ACAP2: variants seen among roughly 807,000 people sequenced by gnomAD.
ACAP2 encodes the protein arf-GAP with coiled-coil, ANK repeat and PH domain-containing protein 2.
A neutral mutation model predicts 115.8 loss-of-function variants in ACAP2; 39 were observed. The ratio of observed to expected loss-of-function variants is 0.34; its 90% CI spans 0.26 to 0.44. ACAP2 has a LOEUF of 0.44. ACAP2 is among the 20% of genes least tolerant of loss of function. The pLI is 1.00. For synonymous variants in ACAP2, 289 were observed against 315.8 expected, an observed-to-expected ratio of 0.92 and a Z score of 0.90; for missense variants, 662 against 927.6, an observed-to-expected ratio of 0.71 and a Z score of 3.72.
chr3:195,292,533 G>C, intron 18 of ACAP2, 81 bp from the exon 19 acceptor site: 1 of 1,372,000 alleles, frequency 7.3e-7, no homozygotes, highest in East Asian at 2.3e-5. Flanking sequence ...TAGAGTTTCA[G>C]TTTTGCAAGA....
chr3:195,289,300 A>G (rs1460699264), intron 20 of ACAP2, 69 bp from the exon 21 acceptor site: 4 of 1,030,798 alleles, frequency 3.9e-6, no homozygotes, highest in Admixed American at 2.3e-5. Flanking sequence ...ACCTTAAAAA[A>G]AAAAAGTACT....
rs117276673 is a variant in ACAP2 at position 195,388,425 on chromosome 3, C to T, written c.111+3665G>A. 1.4e-4 allele frequency among the ~76,000 whole-genome samples: 22 copies of T among 152,258 alleles called. No homozygotes were observed. The East Asian group carries it at 4.2e-3, about 29-fold the overall frequency. On this transcript the variant is annotated intron_variant, in intron 2 of 22. Coordinates refer to ENST00000326793, the MANE Select transcript of ACAP2 (RefSeq NM_012287.6). ...CAAGAATGGATCAATAATTGAACTCCGTAGAGCAATGCCACTCATAAAGCC... is the reference window on the plus strand; with the variant it reads ...CAAGAATGGATCAATAATTGAACTCTGTAGAGCAATGCCACTCATAAAGCC...
At chr3:195,367,793 A>G (rs1230225727) in intron 4 of ACAP2, among the ~76,000 whole-genome samples, 1 of 152,216 alleles carries the variant, frequency 6.6e-6, no homozygotes, top group Non-Finnish European at 1.5e-5. Flanking sequence ...GAGAGACTCC[A>G]AAGGGTGAAA....
intron 1 of ACAP2, among the ~76,000 whole-genome samples, chr3:195,427,876 C>T (rs1714800669): frequency 6.6e-6 from 1 of 151,820 alleles, no homozygotes; most frequent in Non-Finnish European, 1.5e-5. Flanking sequence ...CACTGCACTC[C>T]AACTTGGGTG....
At chr3:195,434,985 C>G (rs1321019423) in intron 1 of ACAP2, among the ~76,000 whole-genome samples, 2 of 150,458 alleles carry the variant, frequency 1.3e-5, no homozygotes, top group African/African-American at 5.0e-5. Flanking sequence ...GTCACTCTAA[C>G]TAAAGATGTG....
chr3:195,292,198 C>G, intron 19 of ACAP2, 67 bp downstream of exon 19: 1 of 1,488,470 alleles, frequency 6.7e-7, no homozygotes, highest in Non-Finnish European at 8.9e-7. Context: ...AAAGCCAGTT[C>G]AGAACATATT....
chr3:195,431,728 T>C (rs973564714), intron 1 of ACAP2, among the ~76,000 whole-genome samples: 1 of 151,938 alleles, frequency 6.6e-6, no homozygotes, highest in Non-Finnish European at 1.5e-5. Context: ...ATTACAGGCA[T>C]GAGGCACCGC....
intron 4 of ACAP2, among the ~76,000 whole-genome samples, chr3:195,372,504 A>G (rs1733221433): frequency 6.6e-6 from 1 of 152,186 alleles, no homozygotes; most frequent in Non-Finnish European, 1.5e-5. Context: ...CGACCTGGGC[A>G]ACACAGTGAG....
rs578077623 is a variant in ACAP2, at chr3:195,373,013, G to T, written c.285+7996C>A. ...AAAAAAAAAAAAAAAAAAAAAAAAA[G>T]CCTAATGATAAAAGTAAAAATGCTA... On this transcript the variant is annotated intron_variant, in intron 4 of 22. Transcript: ENST00000326793. Among the ~76,000 whole-genome samples, 304 of 74,854 alleles carry T rather than the reference G, an allele frequency of 4.1e-3. 2 individuals carry two copies. The highest frequency in any genetic ancestry group is 4.4e-3 in the Non-Finnish European group (168 of 37,782). The allele number at this position is 74,854 out of a possible 152,430, so 49.1% of individuals were successfully genotyped here.
intron 1 of ACAP2, among the ~76,000 whole-genome samples, chr3:195,421,195 G>T (rs1219400685): frequency 6.6e-6 from 1 of 152,120 alleles, no homozygotes; most frequent in Non-Finnish European, 1.5e-5. Context: ...ACAGCATTTT[G>T]AAAGTATCTA....
Position 195,297,217 on chromosome 3 carries a change from C to A in ACAP2, c.1460G>T (p.Gly487Val). The change falls in exon 16 of 23, where the codon GGA becomes GTA. Residue 487 changes from glycine (G) to valine (V), a missense_variant. Transcript: ENST00000326793. ...RVYEANVEKM[G>V]IKKPQPGQRQ... ...TTGTCCTGGTTGGGGTTTCTTTATT[C>A]CCATTTTTTCCACATTAGCTTCATA... 9.3e-6 allele frequency: 15 copies of A among 1,612,990 alleles called. No individual in the cohort carries two copies. Among genetic ancestry groups the A allele is most frequent in the Non-Finnish European group, 1.3e-5 (15 of 1,179,590 alleles).
chr3:195,378,228 G>A (rs938386840), intron 4 of ACAP2, among the ~76,000 whole-genome samples: 12 of 152,134 alleles, frequency 7.9e-5, no homozygotes, highest in African/African-American at 2.9e-4. Flanking sequence ...TGCAGTGGCT[G>A]ACGCCTGTAA....
intron 7 of ACAP2, among the ~76,000 whole-genome samples, chr3:195,334,502 A>C (rs1186347377): frequency 6.6e-6 from 1 of 152,214 alleles, no homozygotes; most frequent in Non-Finnish European, 1.5e-5. Context: ...AACAGACTTA[A>C]GATGTAAGAG....
intron 8 of ACAP2, among the ~76,000 whole-genome samples, chr3:195,332,341 A>G (rs1345088528): frequency 6.6e-6 from 1 of 152,176 alleles, no homozygotes; most frequent in Non-Finnish European, 1.5e-5. Flanking sequence ...ATCCAAATGT[A>G]TAAAATTTAA....
chr3:195,322,319 G>A (rs983838254), intron 9 of ACAP2, among the ~76,000 whole-genome samples: 2 of 152,082 alleles, frequency 1.3e-5, no homozygotes, highest in South Asian at 2.1e-4. Context: ...AGCAGTAAAC[G>A]TCCTGTCTTG....
intron 1 of ACAP2, among the ~76,000 whole-genome samples, chr3:195,403,951 T>C (rs1243975596): frequency 1.3e-5 from 2 of 152,026 alleles, no homozygotes; most frequent in Non-Finnish European, 2.9e-5. Context: ...AAAGTAAAGA[T>C]AGAGATGACT....
chr3:195,278,588 C>T lies in ACAP2; in HGVS notation c.*740G>A, dbSNP rs1726282368. The T allele has an allele frequency of 6.7e-6, 1 of 150,304 alleles. No homozygotes were observed. Among genetic ancestry groups the T allele is most frequent in the Non-Finnish European group, 1.5e-5 (1 of 67,780 alleles). 9.3% of individuals were successfully genotyped at this position (150,304 alleles called of 1,614,324 possible). ...GGGGAATCAACCCAACAATGAAGAACTACACATTTTGAACTGGGGTTTTTT... is the reference window on the plus strand; with the variant it reads ...GGGGAATCAACCCAACAATGAAGAATTACACATTTTGAACTGGGGTTTTTT... On this transcript the variant is annotated 3_prime_UTR_variant, in exon 23 of 23. Coordinates refer to ENST00000326793, the MANE Select transcript of ACAP2 (RefSeq NM_012287.6).
At chr3:195,310,080 T>C (rs1728664064) in intron 10 of ACAP2, among the ~76,000 whole-genome samples, 1 of 152,066 alleles carries the variant, frequency 6.6e-6, no homozygotes, top group South Asian at 2.1e-4. Flanking sequence ...GCAGATATTC[T>C]ACCTTTTCAT....
At chr3:195,365,870 T>C (rs1415128821) in intron 4 of ACAP2, among the ~76,000 whole-genome samples, 1 of 151,016 alleles carries the variant, frequency 6.6e-6, no homozygotes, top group African/African-American at 2.4e-5. Flanking sequence ...AGACAGTGTC[T>C]TCCTTTGCCG....
Sources: gnomAD v4.1 joint callset for allele counts (sites outside exome capture counted in the v4.1 genomes callset) on GRCh38, gnomAD v4.1.1 for gene constraint, MANE v1.5 for transcripts, NCBI Gene and HGNC (gene_info 2026-07-23, HGNC 2026-07-21) for gene names.